The following FRMD4B variants were observed in gnomAD, a reference collection of about 807,000 sequenced individuals.
The protein encoded by FRMD4B is FERM domain-containing protein 4B.
In FRMD4B, 74 loss-of-function variants were observed where a neutral mutation model predicts 141.5. That is an observed-to-expected ratio of 0.52 (90% CI 0.43 to 0.63). The LOEUF (loss-of-function observed/expected upper bound fraction) is 0.63, where lower values mean the gene tolerates loss of function less well. Ranked by LOEUF, FRMD4B falls within the 30% of genes least tolerant of loss-of-function variation. The pLI is 0.00. For synonymous variants in FRMD4B, 506 were observed against 467.9 expected (o/e 1.08, Z -1.05); for missense variants, 1,366 against 1,253.4 (o/e 1.09, Z -1.36).
chr3:69,261,567 T>C (rs1362795148), intron 5 of FRMD4B, among the ~76,000 whole-genome samples: 2 of 152,246 alleles, frequency 1.3e-5, no homozygotes, highest in Non-Finnish European at 2.9e-5. Flanking sequence ...TCTGGTTGCA[T>C]TACATGAAAC....
intron 1 of FRMD4B, among the ~76,000 whole-genome samples, chr3:69,472,939 T>TC (rs577796088): frequency 6.9e-5 from 3 of 43,534 alleles, no homozygotes; most frequent in Non-Finnish European, 1.3e-4. Context: ...TTTTTTTTTC[T>TC]TTTTTTTTTT....
At chr3:69,210,294 A>T (rs2093062866) in intron 11 of FRMD4B, among the ~76,000 whole-genome samples, 1 of 152,252 alleles carries the variant, frequency 6.6e-6, no homozygotes, top group Non-Finnish European at 1.5e-5. Flanking sequence ...AAGGGATACA[A>T]ATCTGTCATG....
intron 1 of FRMD4B, among the ~76,000 whole-genome samples, chr3:69,511,351 C>T (rs1181814923): frequency 6.6e-6 from 1 of 152,080 alleles, no homozygotes; most frequent in Admixed American, 6.6e-5. Flanking sequence ...TTAAAATGTG[C>T]CAGCCACTAT....
intron 1 of FRMD4B, among the ~76,000 whole-genome samples, chr3:69,352,990 A>G (rs2107440771): frequency 6.6e-6 from 1 of 152,332 alleles, no homozygotes; most frequent in African/African-American, 2.4e-5. Context: ...GAAACGATGA[A>G]CAATTATAAA....
At chr3:69,208,271 C>T (rs2093043179) in intron 11 of FRMD4B, among the ~76,000 whole-genome samples, 2 of 152,108 alleles carry the variant, frequency 1.3e-5, no homozygotes, top group Admixed American at 1.3e-4. Flanking sequence ...ACCATGTTGG[C>T]CAGGCTGGTT....
At chr3:69,353,324 C>T (rs967370918) in intron 1 of FRMD4B, among the ~76,000 whole-genome samples, 1 of 152,156 alleles carries the variant, frequency 6.6e-6, no homozygotes, top group African/African-American at 2.4e-5. Context: ...CATCCAACTC[C>T]GTTTTGGAAA....
intron 1 of FRMD4B, among the ~76,000 whole-genome samples, chr3:69,497,918 C>T (rs1706429141): frequency 2.0e-5 from 3 of 152,144 alleles, no homozygotes; most frequent in Admixed American, 2.0e-4. Flanking sequence ...AAACAATCCC[C>T]CAATGGGTGG....
At chr3:69,452,218 C>T (rs1048772516) in intron 1 of FRMD4B, among the ~76,000 whole-genome samples, 2 of 152,214 alleles carry the variant, frequency 1.3e-5, no homozygotes, top group African/African-American at 4.8e-5. Context: ...TATGTCCTCA[C>T]ATGAAGTCTA....
At chr3:69,192,523 T>C (rs142683480) in intron 17 of FRMD4B, among the ~76,000 whole-genome samples, 3 of 152,264 alleles carry the variant, frequency 2.0e-5, no homozygotes, top group African/African-American at 4.8e-5. Flanking sequence ...CCAATAAACA[T>C]GTAAGGTCAA....
At chr3:69,414,233 G>T (rs948976804) in intron 2 of FRMD4B, among the ~76,000 whole-genome samples, 2 of 152,006 alleles carry the variant, frequency 1.3e-5, no homozygotes, top group Non-Finnish European at 2.9e-5. Flanking sequence ...TACTTCAAAA[G>T]ACCTCAAACA....
chr3:69,413,269 C>T (rs1179056510), intron 2 of FRMD4B, among the ~76,000 whole-genome samples: 2 of 152,130 alleles, frequency 1.3e-5, no homozygotes, highest in African/African-American at 4.8e-5. Flanking sequence ...TTCATTTAAT[C>T]TCTCAATGAC....
chr3:69,372,963 C>A (rs1703870084), intron 1 of FRMD4B, among the ~76,000 whole-genome samples: 1 of 152,128 alleles, frequency 6.6e-6, no homozygotes. Context: ...TGAACTCAGG[C>A]AGTGTGGTTC....
intron 7 of FRMD4B, among the ~76,000 whole-genome samples, chr3:69,229,789 A>C (rs1252711426): frequency 2.0e-5 from 3 of 151,986 alleles, no homozygotes; most frequent in African/African-American, 4.8e-5. Context: ...TTGGTCCTAA[A>C]CAAGGACCCG....
chr3:69,314,099 A>G (rs1319523336), intron 1 of FRMD4B, among the ~76,000 whole-genome samples: 1 of 113,840 alleles, frequency 8.8e-6, no homozygotes. Flanking sequence ...AGATCGCGCC[A>G]CTGCACTCCA....
rs10554375 is a variant in FRMD4B, at chr3:69,329,516, A to ATTTTTT, written c.163-16005_163-16000dup. Among the ~76,000 whole-genome samples the ATTTTTT allele has an allele frequency of 2.0e-3, 113 of 55,566 alleles. 11 individuals carry two copies. The highest frequency in any genetic ancestry group is 4.8e-3 in the South Asian group (5 of 1,042). 36.5% of individuals were successfully genotyped at this position (55,566 alleles called of 152,430 possible). A position where few individuals can be genotyped will look rare whatever the true frequency, so the allele number is the denominator to read the frequency against. On this transcript the variant is annotated intron_variant, in intron 1 of 22. Transcript: ENST00000398540. The stretch of plus-strand genomic sequence containing the variant: ...AGGCATGCACCACCATGCCCAGCTA[A>ATTTTTT]TTTTTTTTTTTTTTTTTTTTTTTTT...
intron 1 of FRMD4B, among the ~76,000 whole-genome samples, chr3:69,469,213 G>T (rs114956476): frequency 1.3e-5 from 2 of 152,228 alleles, no homozygotes; most frequent in Non-Finnish European, 1.5e-5. Flanking sequence ...ACAAGGAAAA[G>T]GTAGAAATAA....
At chr3:69,510,374 G>A (rs997536951) in intron 1 of FRMD4B, among the ~76,000 whole-genome samples, 1 of 152,158 alleles carries the variant, frequency 6.6e-6, no homozygotes, top group African/African-American at 2.4e-5. Flanking sequence ...ATCTTATGGT[G>A]ATGATTCATA....
chr3:69,509,314 C>T (rs1188743484), intron 1 of FRMD4B, among the ~76,000 whole-genome samples: 1 of 152,220 alleles, frequency 6.6e-6, no homozygotes, highest in Non-Finnish European at 1.5e-5. Flanking sequence ...ACGGGCAAGT[C>T]TGTTGCCAAA....
intron 1 of FRMD4B, 92 bp downstream of exon 1, chr3:69,385,736 C>T: frequency 8.8e-7 from 1 of 1,130,286 alleles, no homozygotes; most frequent in Non-Finnish European, 1.2e-6. Context: ...TTAAGAAGAG[C>T]TGGGGGGAAT....
Sources: allele counts gnomAD v4.1 joint callset (sites outside exome capture counted in the v4.1 genomes callset), GRCh38; gene constraint gnomAD v4.1.1; transcripts MANE v1.5; gene names NCBI Gene and HGNC (gene_info 2026-07-23, HGNC 2026-07-21).